CDKAL1: variants seen among roughly 807,000 people sequenced by gnomAD.
CDKAL1 encodes the protein CDKAL1 threonylcarbamoyladenosine tRNA methylthiotransferase, also known as threonylcarbamoyladenosine tRNA methylthiotransferase.
CDKAL1 carries 32 observed loss-of-function variants against 68.2 expected under a neutral mutation model. The observed-to-expected ratio is 0.47, with a 90% confidence interval of 0.35 to 0.63. The LOEUF is 0.63. Ranked by LOEUF, CDKAL1 falls within the 30% of genes least tolerant of loss-of-function variation. The pLI, the probability that CDKAL1 is intolerant of heterozygous loss-of-function variation, is 0.00. For missense variants in CDKAL1, 606 were observed against 696.7 expected (o/e 0.87, Z 1.47); for synonymous variants, 234 against 244.3 (o/e 0.96, Z 0.39).
intron 13 of CDKAL1, among the ~76,000 whole-genome samples, chr6:21,176,683 T>G (rs529110915): frequency 1.0e-4 from 13 of 124,390 alleles, no homozygotes; most frequent in East Asian, 4.4e-4. Context: ...TGGATGTTGG[T>G]TTTTTTTTTT....
intron 2 of CDKAL1, among the ~76,000 whole-genome samples, chr6:20,544,569 C>T (rs1763517433): frequency 1.5e-5 from 2 of 132,014 alleles, no homozygotes; most frequent in South Asian, 4.9e-4. Context: ...GCACTCCAGC[C>T]TGGGCCACAG....
chr6:20,875,096 G>C (rs1044512402), intron 9 of CDKAL1, among the ~76,000 whole-genome samples: 2 of 151,294 alleles, frequency 1.3e-5, no homozygotes, highest in African/African-American at 4.8e-5. Flanking sequence ...TCAGGAGATC[G>C]AGACCATCCT....
intron 11 of CDKAL1, among the ~76,000 whole-genome samples, chr6:21,036,141 G>T (rs1433935678): frequency 6.6e-6 from 1 of 152,134 alleles, no homozygotes; most frequent in East Asian, 1.9e-4. Flanking sequence ...ACTGCATAAA[G>T]CAGCTTGACA....
intron 4 of CDKAL1, among the ~76,000 whole-genome samples, chr6:20,630,515 A>G (rs1296412274): frequency 1.3e-5 from 2 of 149,514 alleles, no homozygotes; most frequent in African/African-American, 4.9e-5. Context: ...TTTTTTTTCT[A>G]CCTTTTCATG....
chr6:20,844,504 A>C (rs1272181647), intron 8 of CDKAL1, among the ~76,000 whole-genome samples: 1 of 151,968 alleles, frequency 6.6e-6, no homozygotes, highest in African/African-American at 2.4e-5. Context: ...TCTTGTCTGT[A>C]AGATCAAGAT....
intron 2 of CDKAL1, among the ~76,000 whole-genome samples, chr6:20,538,017 A>T (rs1309252365): frequency 6.6e-6 from 1 of 152,184 alleles, no homozygotes; most frequent in African/African-American, 2.4e-5. Flanking sequence ...CGTTATATTT[A>T]TCTTTTTTGA....
At chr6:20,768,715 T>A (rs1035573542) in intron 7 of CDKAL1, among the ~76,000 whole-genome samples, 11 of 152,148 alleles carry the variant, frequency 7.2e-5, no homozygotes, top group African/African-American at 2.7e-4. Context: ...AGCTTTCATT[T>A]CCACCCGGGA....
chr6:21,146,668 G>T (rs1406428631), intron 13 of CDKAL1, among the ~76,000 whole-genome samples: 5 of 152,044 alleles, frequency 3.3e-5, no homozygotes, highest in Admixed American at 3.3e-4. Flanking sequence ...GGCTAACATG[G>T]TGAAACCCCA....
chr6:21,113,566 G>A (rs1774231355), intron 13 of CDKAL1, among the ~76,000 whole-genome samples: 2 of 151,934 alleles, frequency 1.3e-5, no homozygotes, highest in South Asian at 4.2e-4. Flanking sequence ...GCAGTGGCTT[G>A]ATCTCAGCTC....
At chr6:20,611,908 G>T (rs1045950972) in intron 4 of CDKAL1, among the ~76,000 whole-genome samples, 7 of 151,974 alleles carry the variant, frequency 4.6e-5, no homozygotes, top group Non-Finnish European at 7.4e-5. Flanking sequence ...CTAGTCCTTG[G>T]CACATCCCCT....
chr6:20,806,454 T>C (rs1776575503), intron 8 of CDKAL1, among the ~76,000 whole-genome samples: 1 of 152,200 alleles, frequency 6.6e-6, no homozygotes, highest in Non-Finnish European at 1.5e-5. Flanking sequence ...TGTTTCTTTA[T>C]GGTAAAACAA....
rs1174956133 is a variant in CDKAL1, at chr6:20,896,310, A to G, written c.742+50132A>G. On this transcript the variant is annotated intron_variant, in intron 9 of 15. Transcript: ENST00000274695. ...AGACGGGGTTTCACCGTGTTGGCCA[A>G]GATGGTCTCGATCTCTTGACCTCAT... 2.0e-5 allele frequency among the ~76,000 whole-genome samples: 3 copies of G among 151,938 alleles called. No homozygotes were observed. In the East Asian group the frequency reaches 5.8e-4, roughly 29 times the overall value.
At position 20,748,554 on chromosome 6, in the gene CDKAL1, GGAAAAAAAAAAAAAAAA is replaced by G. The variant is rs1355080106; in HGVS notation, c.468+8940_468+8956del. ...GGAAAGAGAGCAAGACTCTGTTTCT[GGAAAAAAAAAAAAAAAA>G]AAAAAAAAAAAAAAAAAAAAAAAAG... On this transcript the variant is annotated intron_variant, in intron 6 of 15. Transcript: ENST00000274695. Among the ~76,000 whole-genome samples, 254 of 77,076 alleles carry G rather than the reference GGAAAAAAAAAAAAAAAA, an allele frequency of 3.3e-3. 15 individuals carry two copies. The highest frequency in any genetic ancestry group is 0.012 in the African/African-American group (247 of 21,004). The allele number at this position is 77,076 out of a possible 152,430, so 50.6% of individuals were successfully genotyped here.
At chr6:20,906,827 T>C (rs1434044363) in intron 9 of CDKAL1, among the ~76,000 whole-genome samples, 1 of 151,926 alleles carries the variant, frequency 6.6e-6, no homozygotes, top group Non-Finnish European at 1.5e-5. Flanking sequence ...TCAGTCAGAG[T>C]CTGACATATA....
At chr6:20,763,593 TG>T (rs1277738185) in intron 7 of CDKAL1, among the ~76,000 whole-genome samples, 1 of 152,186 alleles carries the variant, frequency 6.6e-6, no homozygotes, top group Non-Finnish European at 1.5e-5. Flanking sequence ...TGATCCCTGT[TG>T]GGCTCTCTTC....
At chr6:21,185,960 C>T (rs1407719209) in intron 13 of CDKAL1, among the ~76,000 whole-genome samples, 1 of 151,782 alleles carries the variant, frequency 6.6e-6, no homozygotes, top group South Asian at 2.1e-4. Flanking sequence ...GATGCAGGTG[C>T]ACAGTAATAC....
chr6:21,222,098 T>C (rs1779557110), intron 15 of CDKAL1, among the ~76,000 whole-genome samples: 1 of 152,234 alleles, frequency 6.6e-6, no homozygotes, highest in Non-Finnish European at 1.5e-5. Context: ...GATAGTTTAA[T>C]AATTTATGTT....
At chr6:20,873,817 G>A (rs567698439) in intron 9 of CDKAL1, among the ~76,000 whole-genome samples, 1 of 152,262 alleles carries the variant, frequency 6.6e-6, no homozygotes, top group South Asian at 2.1e-4. Context: ...AGAAATCTAA[G>A]AGACCAGGTT....
intron 5 of CDKAL1, among the ~76,000 whole-genome samples, chr6:20,737,321 C>T (rs895475536): frequency 2.6e-5 from 4 of 152,290 alleles, no homozygotes; most frequent in African/African-American, 7.2e-5. Flanking sequence ...GTGTTTTTAA[C>T]GTTCTTTTAT....
Sources: allele counts gnomAD v4.1 joint callset (sites outside exome capture counted in the v4.1 genomes callset), GRCh38; gene constraint gnomAD v4.1.1; transcripts MANE v1.5; gene names NCBI Gene and HGNC (gene_info 2026-07-23, HGNC 2026-07-21).